Variants in GPR89A observed in about 807,000 individuals in gnomAD.
GPR89A encodes the protein golgi pH regulator A, also known as G protein-coupled receptor 89A.
Under a neutral mutation model 52.0 loss-of-function variants are expected in GPR89A, and 16 were observed. That is an observed-to-expected ratio of 0.31 (90% CI 0.21 to 0.47). The LOEUF (loss-of-function observed/expected upper bound fraction) is 0.47. GPR89A is among the 20% of genes least tolerant of loss of function. The pLI is 1.00. For synonymous variants in GPR89A, 55 were observed against 150.9 expected (o/e 0.36, Z 4.66); for missense variants, 135 against 449.4 (o/e 0.30, Z 6.33).
chr1:145,653,336 G>C (rs1253369198), intron 10 of GPR89A, among the ~76,000 whole-genome samples: 2 of 120,968 alleles, frequency 1.7e-5, no homozygotes, highest in African/African-American at 6.8e-5. Flanking sequence ...TGTGGTCTGA[G>C]AGACTGTTAT....
rs1426327278 is a variant in GPR89A at position 145,647,883 on chromosome 1, A to C, written c.909+616A>C. On this transcript the variant is annotated intron_variant, in intron 10 of 13. Transcript: ENST00000313835. The stretch of plus-strand genomic sequence containing the variant: ...TCTCTCTCTCTCTCTCTCTCTCTAT[A>C]TATATATATATATATATATATATAT... Among the ~76,000 whole-genome samples, 243 of 32,906 alleles carry C rather than the reference A, an allele frequency of 7.4e-3. 1 individual carries two copies. Among genetic ancestry groups the C allele is most frequent in the Middle Eastern group, 0.013 (1 of 78 alleles). 21.6% of individuals were successfully genotyped at this position (32,906 alleles called of 152,430 possible). A position where few individuals can be genotyped will look rare whatever the true frequency, so the allele number is the denominator to read the frequency against.
At chr1:145,613,125 T>C (rs368114277) in intron 1 of GPR89A, among the ~76,000 whole-genome samples, 2,104 of 146,630 alleles carry the variant, frequency 0.014, 62 homozygotes, top group African/African-American at 0.054. Context: ...GATATCTTGA[T>C]CCATCTTGCT....
At chr1:145,613,364 T>G (rs1648433462) in intron 1 of GPR89A, among the ~76,000 whole-genome samples, 1 of 151,986 alleles carries the variant, frequency 6.6e-6, no homozygotes, top group South Asian at 2.1e-4. Flanking sequence ...ATGTCTTAAT[T>G]CAGGGCTTTA....
chr1:145,645,834 T>A, intron 8 of GPR89A: 1 of 396,872 alleles, frequency 2.5e-6, no homozygotes, highest in Non-Finnish European at 4.8e-6. Context: ...AGGAGAAAGC[T>A]ATGCTTTATT....
chr1:145,639,228 T>G (rs868971221), intron 7 of GPR89A, among the ~76,000 whole-genome samples: 5 of 152,018 alleles, frequency 3.3e-5, no homozygotes, highest in African/African-American at 4.8e-5. Flanking sequence ...AAATTTAATG[T>G]TATTCATTTC....
intron 1 of GPR89A, among the ~76,000 whole-genome samples, chr1:145,609,831 C>G (rs587721306): frequency 5.3e-5 from 8 of 152,214 alleles, no homozygotes; most frequent in African/African-American, 1.9e-4. Flanking sequence ...CCAAAGATTC[C>G]TTTGCATGGA....
chr1:145,608,074 C>T lies in GPR89A; in HGVS notation c.-60C>T, dbSNP rs1647925636. 2 of 1,607,090 alleles carry T rather than the reference C, an allele frequency of 1.2e-6. No homozygotes were observed. The highest frequency in any genetic ancestry group is 2.2e-5 in the East Asian group (1 of 44,810). ...GACCGTGTGAGGGGGCCTGTGGCCCCAGCGTGCTGTGGCCTCGGGGAGTGG... is the reference window on the plus strand; with the variant it reads ...GACCGTGTGAGGGGGCCTGTGGCCCTAGCGTGCTGTGGCCTCGGGGAGTGG... On this transcript the variant is annotated 5_prime_UTR_variant, in exon 1 of 14. Transcript: ENST00000313835.
intron 1 of GPR89A, among the ~76,000 whole-genome samples, chr1:145,611,863 C>A (rs1648304643): frequency 6.6e-6 from 1 of 151,824 alleles, no homozygotes; most frequent in Non-Finnish European, 1.5e-5. Context: ...TGGACATTTT[C>A]TCCTAATCTG....
intron 10 of GPR89A, among the ~76,000 whole-genome samples, chr1:145,659,858 T>TG (rs1261177614): frequency 2.8e-5 from 4 of 142,242 alleles, no homozygotes; most frequent in African/African-American, 1.1e-4. Context: ...TAAATTACCT[T>TG]GGGCAGTATG....
chr1:145,610,991 C>G (rs1381736854), intron 1 of GPR89A, among the ~76,000 whole-genome samples: 2 of 151,982 alleles, frequency 1.3e-5, no homozygotes, highest in African/African-American at 4.8e-5. Context: ...GGTCAAGACT[C>G]TGTACAATTC....
At chr1:145,622,323 TAC>T (rs1381287336) in intron 3 of GPR89A, among the ~76,000 whole-genome samples, 1 of 98,536 alleles carries the variant, frequency 1.0e-5, no homozygotes, top group African/African-American at 4.0e-5. Flanking sequence ...CACAAAAGAT[TAC>T]ATATTGGTGG....
intron 9 of GPR89A, chr1:145,646,542 C>G: frequency 2.2e-6 from 1 of 448,688 alleles, no homozygotes; most frequent in Non-Finnish European, 4.0e-6. Flanking sequence ...CACGTACCAC[C>G]TCCTACTAAC....
intron 12 of GPR89A, among the ~76,000 whole-genome samples, chr1:145,668,447 C>T (rs1652726275): frequency 6.6e-6 from 1 of 152,168 alleles, no homozygotes; most frequent in Non-Finnish European, 1.5e-5. Context: ...GCTGAAGTTG[C>T]TTATCAGCTT....
At chr1:145,641,584 T>C (rs1425478486) in intron 7 of GPR89A, among the ~76,000 whole-genome samples, 1 of 152,026 alleles carries the variant, frequency 6.6e-6, no homozygotes, top group East Asian at 1.9e-4. Context: ...AAGTAATGGC[T>C]GACTTCCTAC....
At chr1:145,614,973 G>C (rs1402446127) in intron 1 of GPR89A, among the ~76,000 whole-genome samples, 2 of 152,126 alleles carry the variant, frequency 1.3e-5, no homozygotes, top group Non-Finnish European at 2.9e-5. Flanking sequence ...GTTTACACTT[G>C]CTCAGTAAAG....
At chr1:145,614,879 G>GA in intron 1 of GPR89A, among the ~76,000 whole-genome samples, 1 of 152,116 alleles carries the variant, frequency 6.6e-6, no homozygotes, top group African/African-American at 2.4e-5. Flanking sequence ...AAGAACCAAA[G>GA]AAGTTCCAGG....
chr1:145,635,412 G>GAA (rs1462473844), intron 7 of GPR89A, among the ~76,000 whole-genome samples: 147,520 of 149,546 alleles, frequency 0.99, 72,749 homozygotes, highest in Middle Eastern at 1. Flanking sequence ...TCTCAAAAAA[G>GAA]AAAAAAAAAG....
chr1:145,623,759 G>C (rs1649302540), intron 5 of GPR89A, 45 bp downstream of exon 5: 1 of 1,593,166 alleles, frequency 6.3e-7, no homozygotes, highest in African/African-American at 1.4e-5. Context: ...GAGACGATTT[G>C]TTTAATTTTC....
intron 10 of GPR89A, among the ~76,000 whole-genome samples, chr1:145,656,762 T>TC (rs1651833868): frequency 6.6e-6 from 1 of 151,970 alleles, no homozygotes; most frequent in Admixed American, 6.5e-5. Context: ...GGATTAGTCA[T>TC]CCTACTGTTA....
Sources: allele counts gnomAD v4.1 joint callset (sites outside exome capture counted in the v4.1 genomes callset), GRCh38; gene constraint gnomAD v4.1.1; transcripts MANE v1.5; gene names NCBI Gene and HGNC (gene_info 2026-07-23, HGNC 2026-07-21).